Variants in RPS6KC1 observed in about 807,000 individuals in gnomAD.
The protein encoded by RPS6KC1 is ribosomal protein S6 kinase C1.
In RPS6KC1, 54 loss-of-function variants were observed where a neutral mutation model predicts 103.8. The ratio of observed to expected loss-of-function variants is 0.52; its 90% CI spans 0.42 to 0.65. The LOEUF (loss-of-function observed/expected upper bound fraction) is 0.65. Ranked by LOEUF, RPS6KC1 falls within the 30% of genes least tolerant of loss-of-function variation. The pLI, the probability that RPS6KC1 is intolerant of heterozygous loss-of-function variation, is 0.00. For synonymous variants in RPS6KC1, 439 were observed against 438.7 expected (o/e 1.00, Z -0.01); for missense variants, 1,151 against 1,253.8 (o/e 0.92, Z 1.24).
chr1:213,250,006 A>C (rs2094517924), intron 12 of RPS6KC1, among the ~76,000 whole-genome samples: 3 of 152,214 alleles, frequency 2.0e-5, no homozygotes, highest in Admixed American at 1.3e-4. Context: ...GAAAAGTGGA[A>C]TTAGACATGT....
chr1:213,387,437 C>T, the RPS6KC1 span, among the ~76,000 whole-genome samples: 2 of 152,340 alleles, frequency 1.3e-5, no homozygotes, highest in South Asian at 2.1e-4. Context: ...GTGCAGGCTT[C>T]CTGGGGACTC....
chr1:213,288,031 G>T, the RPS6KC1 span, among the ~76,000 whole-genome samples: 8 of 152,224 alleles, frequency 5.3e-5, no homozygotes, highest in African/African-American at 1.9e-4. Flanking sequence ...TCCGCACTAG[G>T]CAGGTAGCTT....
intron 8 of RPS6KC1, among the ~76,000 whole-genome samples, chr1:213,200,453 C>T (rs539148741): frequency 2.0e-5 from 3 of 152,290 alleles, no homozygotes; most frequent in East Asian, 1.9e-4. Context: ...AGAAACTAGA[C>T]TCCTTCCTTA....
At chr1:213,186,094 A>G (rs184829678) in intron 8 of RPS6KC1, among the ~76,000 whole-genome samples, 2 of 151,894 alleles carry the variant, frequency 1.3e-5, no homozygotes, top group East Asian at 3.9e-4. Flanking sequence ...ATTTGATAAA[A>G]TCAGGTAATT....
At chr1:213,571,172 A>G in the RPS6KC1 span, among the ~76,000 whole-genome samples, 1 of 152,068 alleles carries the variant, frequency 6.6e-6, no homozygotes, top group Non-Finnish European at 1.5e-5. Flanking sequence ...CCCTGTCTCT[A>G]TCTGTAAAAT....
chr1:213,579,020 C>T, the RPS6KC1 span, among the ~76,000 whole-genome samples: 6 of 151,996 alleles, frequency 3.9e-5, no homozygotes, highest in South Asian at 2.1e-4. Context: ...CCCCATGTGT[C>T]GTGGGAGGGA....
chr1:213,220,528 G>T (rs1255638125), intron 8 of RPS6KC1, among the ~76,000 whole-genome samples: 1 of 152,150 alleles, frequency 6.6e-6, no homozygotes, highest in Admixed American at 6.5e-5. Context: ...GTTTCACCAT[G>T]TTGGTCAGGC....
chr1:213,511,157 G>A, the RPS6KC1 span, among the ~76,000 whole-genome samples: 59 of 149,838 alleles, frequency 3.9e-4, no homozygotes, highest in African/African-American at 9.8e-4. Flanking sequence ...AATCTGTTAC[G>A]AATTTTAAAA....
At chr1:213,730,454 A>G in the RPS6KC1 span, among the ~76,000 whole-genome samples, 3 of 152,054 alleles carry the variant, frequency 2.0e-5, no homozygotes, top group South Asian at 6.2e-4. Context: ...ACTTTTAAGT[A>G]TTTGCCATTC....
At chr1:213,557,914 A>C in the RPS6KC1 span, among the ~76,000 whole-genome samples, 1 of 152,188 alleles carries the variant, frequency 6.6e-6, no homozygotes, top group Non-Finnish European at 1.5e-5. Flanking sequence ...GTTTGTCAAG[A>C]GGTGCCCGTC....
At chr1:213,352,309 G>A in the RPS6KC1 span, among the ~76,000 whole-genome samples, 5 of 152,068 alleles carry the variant, frequency 3.3e-5, no homozygotes, top group Non-Finnish European at 4.4e-5. Context: ...CTAAAATTTG[G>A]AAAAACCTGT....
At chr1:213,800,491 G>A in the RPS6KC1 span, among the ~76,000 whole-genome samples, 2 of 149,916 alleles carry the variant, frequency 1.3e-5, no homozygotes, top group East Asian at 4.0e-4. Flanking sequence ...TATTGGTCAG[G>A]TTGGACAAAT....
chr1:213,715,157 G>T, the RPS6KC1 span, among the ~76,000 whole-genome samples: 1 of 152,210 alleles, frequency 6.6e-6, no homozygotes, highest in African/African-American at 2.4e-5. Context: ...GAGAGGCATG[G>T]ACAATTGTAA....
At chr1:213,850,465 G>A in the RPS6KC1 span, among the ~76,000 whole-genome samples, 1 of 152,144 alleles carries the variant, frequency 6.6e-6, no homozygotes, top group Non-Finnish European at 1.5e-5. Context: ...GGGAGGCTTT[G>A]TTCTACCCTG....
At chr1:213,255,171 G>A (rs2094613509) in intron 12 of RPS6KC1, among the ~76,000 whole-genome samples, 1 of 151,784 alleles carries the variant, frequency 6.6e-6, no homozygotes, top group Non-Finnish European at 1.5e-5. Flanking sequence ...GCCAAGTGTG[G>A]TCCCATGCCT....
chr1:213,382,533 C>CT, the RPS6KC1 span, among the ~76,000 whole-genome samples: 4,127 of 134,336 alleles, frequency 0.031, 218 homozygotes, highest in African/African-American at 0.1. Flanking sequence ...TTCACTCCAT[C>CT]TTTTTTTTTT....
the RPS6KC1 span, among the ~76,000 whole-genome samples, chr1:213,491,573 C>T: frequency 1.3e-5 from 2 of 152,154 alleles, no homozygotes; most frequent in Non-Finnish European, 2.9e-5. Context: ...AACAAACAGG[C>T]TTTAATGGGG....
chr1:213,814,044 T>C, the RPS6KC1 span, among the ~76,000 whole-genome samples: 5 of 152,350 alleles, frequency 3.3e-5, no homozygotes, highest in African/African-American at 1.2e-4. Context: ...AACAAAGATA[T>C]CTTGCTCCTC....
chr1:213,133,344 C>T (rs2149025639), intron 6 of RPS6KC1, among the ~76,000 whole-genome samples: 1 of 152,212 alleles, frequency 6.6e-6, no homozygotes, highest in East Asian at 1.9e-4. Flanking sequence ...AAATGGATTA[C>T]ATAAAGGTAT....
Sources: allele counts gnomAD v4.1 joint callset (sites outside exome capture counted in the v4.1 genomes callset), GRCh38; gene constraint gnomAD v4.1.1; transcripts MANE v1.5; gene names NCBI Gene and HGNC (gene_info 2026-07-23, HGNC 2026-07-21).